CEP170: variants seen among roughly 807,000 people sequenced by gnomAD.
CEP170 encodes the protein centrosomal protein of 170 kDa.
In CEP170, 21 loss-of-function variants were observed where a neutral mutation model predicts 151.9. The observed-to-expected ratio is 0.14, with a 90% confidence interval of 0.10 to 0.20. The LOEUF (loss-of-function observed/expected upper bound fraction) is 0.20. Ranked by LOEUF, CEP170 falls within the 10% of genes least tolerant of loss-of-function variation. The probability of loss-of-function intolerance (pLI) is 1.00; values close to 1 mark genes in which losing one functional copy is unlikely to be tolerated. For missense variants in CEP170, 964 were observed against 1,892.9 expected (o/e 0.51, Z 9.11); for synonymous variants, 356 against 648.8 (o/e 0.55, Z 6.86).
At chr1:243,182,381 CT>C (rs2059677246) in intron 10 of CEP170, among the ~76,000 whole-genome samples, 1 of 152,166 alleles carries the variant, frequency 6.6e-6, no homozygotes, top group Non-Finnish European at 1.5e-5. Flanking sequence ...CAGCTGCCCT[CT>C]ATTGTCTAAT....
chr1:243,176,264 A>G (rs563304638), intron 10 of CEP170, among the ~76,000 whole-genome samples: 1 of 152,018 alleles, frequency 6.6e-6, no homozygotes, highest in Admixed American at 6.6e-5. Context: ...TGAGACACCT[A>G]ATTTTTATGC....
chr1:243,202,889 T>C (rs2061149722), intron 4 of CEP170, among the ~76,000 whole-genome samples: 1 of 152,150 alleles, frequency 6.6e-6, no homozygotes, highest in South Asian at 2.1e-4. Context: ...GGTTTTCGGG[T>C]GCTTCAAGCT....
intron 8 of CEP170, among the ~76,000 whole-genome samples, chr1:243,188,924 A>T (rs577202570): frequency 2.6e-5 from 4 of 152,362 alleles, no homozygotes; most frequent in African/African-American, 9.6e-5. Context: ...GTCACATGTC[A>T]TTTATACACA....
intron 1 of CEP170, among the ~76,000 whole-genome samples, chr1:243,253,831 C>A (rs530746840): frequency 1.3e-5 from 2 of 152,200 alleles, no homozygotes; most frequent in Non-Finnish European, 2.9e-5. Flanking sequence ...TTAAAATATG[C>A]ATTTTCAATC....
chr1:243,219,892 A>C (rs549756823), intron 3 of CEP170, among the ~76,000 whole-genome samples: 3 of 152,352 alleles, frequency 2.0e-5, no homozygotes, highest in South Asian at 2.1e-4. Flanking sequence ...TCAGGAGCTC[A>C]TAAGTCAGCA....
At chr1:243,213,970 C>CA (rs2062036342) in intron 3 of CEP170, among the ~76,000 whole-genome samples, 1 of 152,158 alleles carries the variant, frequency 6.6e-6, no homozygotes, top group South Asian at 2.1e-4. Context: ...ATTGGCCTCC[C>CA]AAAGTGCTGG....
intron 10 of CEP170, among the ~76,000 whole-genome samples, chr1:243,177,854 C>T (rs2059353037): frequency 6.6e-6 from 1 of 152,028 alleles, no homozygotes; most frequent in South Asian, 2.1e-4. Flanking sequence ...TAGAAGAGCA[C>T]AGAAAGGGAG....
chr1:243,186,249 T>G lies in CEP170; in HGVS notation c.1272+10A>C, dbSNP rs779664593. 6.2e-7 allele frequency: 1 copy of G among 1,613,776 alleles called. No homozygotes were observed. Among genetic ancestry groups the G allele is most frequent in the African/African-American group, 1.3e-5 (1 of 75,044 alleles). On this transcript the variant is annotated intron_variant, in intron 9 of 19. Coordinates refer to ENST00000366542, the MANE Select transcript of CEP170 (RefSeq NM_014812.3). ...TCAAAGAATGCAATCATAAAAGCAG[T>G]TTGACTTACAACAGCTTGGTCTTGA...
In CEP170 at chr1:243,186,528, A is replaced by G. The variant is rs879225044; in HGVS notation, c.1109-106T>C. 1.1e-5 allele frequency: 13 copies of G among 1,198,446 alleles called. No homozygotes were observed. The South Asian group carries it at 1.5e-4, about 13-fold the overall frequency. 74.2% of individuals were successfully genotyped at this position (1,198,446 alleles called of 1,614,324 possible). On this transcript the variant is annotated intron_variant, in intron 8 of 19. Transcript: ENST00000366542. ...TGTTTTGCTCCCCTCCTCCTTTTCA[A>G]TCCAAAGTCATATGTTCTCTTCAGT...
At chr1:243,223,250 A>G (rs1349254436) in intron 2 of CEP170, among the ~76,000 whole-genome samples, 1 of 152,220 alleles carries the variant, frequency 6.6e-6, no homozygotes, top group Non-Finnish European at 1.5e-5. Flanking sequence ...AAAAGAGTAC[A>G]TAGGAAAAGG....
At chr1:243,226,072 T>G (rs1002955535) in intron 1 of CEP170, among the ~76,000 whole-genome samples, 9 of 145,398 alleles carry the variant, frequency 6.2e-5, no homozygotes, top group Non-Finnish European at 1.2e-4. Context: ...TATATATCTA[T>G]ATCTAGATAT....
At chr1:243,236,258 A>G (rs1229104652) in intron 1 of CEP170, among the ~76,000 whole-genome samples, 2 of 152,234 alleles carry the variant, frequency 1.3e-5, no homozygotes, top group African/African-American at 4.8e-5. Flanking sequence ...GCTACCAAAT[A>G]TGGGGCTTTT....
chr1:243,169,937 C>T (rs919572523), intron 11 of CEP170, among the ~76,000 whole-genome samples, 183 bp from the exon 12 acceptor site: 1 of 152,100 alleles, frequency 6.6e-6, no homozygotes, highest in Non-Finnish European at 1.5e-5. Context: ...AAATAAAGAT[C>T]TTCTCTGAAA....
intron 14 of CEP170, among the ~76,000 whole-genome samples, chr1:243,153,571 C>T (rs2057303934): frequency 6.6e-6 from 1 of 152,120 alleles, no homozygotes; most frequent in Non-Finnish European, 1.5e-5. Flanking sequence ...GATGTAAGAC[C>T]CTATGCCAAC....
At chr1:243,246,583 T>C (rs1197515344) in intron 1 of CEP170, among the ~76,000 whole-genome samples, 2 of 151,686 alleles carry the variant, frequency 1.3e-5, no homozygotes, top group African/African-American at 2.4e-5. Context: ...TGTGTGTAAG[T>C]AGATTACATG....
At chr1:243,243,549 A>G (rs906538177) in intron 1 of CEP170, among the ~76,000 whole-genome samples, 2 of 149,426 alleles carry the variant, frequency 1.3e-5, no homozygotes, top group South Asian at 2.1e-4. Flanking sequence ...TTGGAGACAG[A>G]GTCTTGCTCT....
chr1:243,248,681 T>C (rs2065649758), intron 1 of CEP170, among the ~76,000 whole-genome samples: 2 of 152,226 alleles, frequency 1.3e-5, no homozygotes, highest in Admixed American at 6.5e-5. Flanking sequence ...AACCAGATCA[T>C]TCCAATCATT....
At chr1:243,159,359 T>G (rs1404487548) in intron 13 of CEP170, among the ~76,000 whole-genome samples, 1 of 152,014 alleles carries the variant, frequency 6.6e-6, no homozygotes, top group African/African-American at 2.4e-5. Flanking sequence ...TGGCTACTGG[T>G]GGAGAAGGGA....
At chr1:243,206,669 T>C (rs1041121747) in intron 4 of CEP170, among the ~76,000 whole-genome samples, 3 of 152,356 alleles carry the variant, frequency 2.0e-5, no homozygotes, top group East Asian at 1.9e-4. Flanking sequence ...TTTTAAAATA[T>C]GTATTTTAAG....
Sources: allele counts gnomAD v4.1 joint callset (sites outside exome capture counted in the v4.1 genomes callset), GRCh38; gene constraint gnomAD v4.1.1; transcripts MANE v1.5; gene names NCBI Gene and HGNC (gene_info 2026-07-23, HGNC 2026-07-21).